The following ARRB2 variants were observed in gnomAD, a reference collection of about 807,000 sequenced individuals.
ARRB2 encodes the protein beta-arrestin-2.
ARRB2 carries 21 observed loss-of-function variants against 53.4 expected under a neutral mutation model. The ratio of observed to expected loss-of-function variants is 0.39; its 90% confidence interval spans 0.28 to 0.57. ARRB2 has a LOEUF of 0.57. Among genes scored for constraint, ARRB2 ranks in the 20% least tolerant of loss-of-function variants. The probability of loss-of-function intolerance (pLI) is 0.55; values close to 1 mark genes in which losing one functional copy is unlikely to be tolerated. For missense variants in ARRB2, 369 were observed against 527.5 expected, an observed-to-expected ratio of 0.70 and a Z score of 2.94; for synonymous variants, 180 against 212.9, an observed-to-expected ratio of 0.85 and a Z score of 1.34.
rs1295690798 is a variant in ARRB2 at position 4,717,297 on chromosome 17, A to G, written c.417+21A>G. The stretch of plus-strand genomic sequence containing the variant: ...GAAAGGTACGGGAGGAACAGCTCTG[A>G]GGGCTCCTAGGGCAGGACATGGGCC... On this transcript the variant is annotated intron_variant, in intron 6 of 14. Coordinates refer to ENST00000269260, the MANE Select transcript of ARRB2 (RefSeq NM_004313.4). The surrounding 1 kb of genome is among the most constrained non-coding windows in gnomAD (Gnocchi z 6.0). The G allele has an allele frequency of 6.2e-7, 1 of 1,613,386 alleles. No individual in the cohort carries two copies.
rs541225133 is a variant in ARRB2 at position 4,720,600 on chromosome 17, G to C, written c.1096G>C (p.Asp366His). The C allele has an allele frequency of 6.3e-7, 1 of 1,584,750 alleles. No homozygotes were observed. Among genetic ancestry groups the C allele is most frequent in the African/African-American group, 1.4e-5 (1 of 72,012 alleles). Residue 366 changes from aspartate (D) to histidine (H), a missense_variant, in exon 14 of 15, where the codon GAT becomes CAT. Transcript: ENST00000269260. Reference protein sequence around the residue: ...PRPQSAAPETDVPVDTNLIEF... With the variant: ...PRPQSAAPETHVPVDTNLIEF... ...CGTCCCCCCAGCCGCTCCGGAGACA[G>C]ATGTCCCTGTGGACACCAACCTCAT...
chr17:4,720,343 C>G, intron 12 of ARRB2, 44 bp downstream of exon 12: 1 of 1,613,804 alleles, frequency 6.2e-7, no homozygotes, highest in Non-Finnish European at 8.5e-7. Context: ...CACTGGCTCT[C>G]TCTAGTCCCA....
intron 4 of ARRB2, 49 bp downstream of exon 4, chr17:4,716,240 G>A (rs1915017972): frequency 5.0e-6 from 8 of 1,612,822 alleles, no homozygotes; most frequent in Middle Eastern, 3.6e-4. Context: ...GGCTAGGGAA[G>A]TGAAATGGGC....
chr17:4,718,889 C>G (rs1306087810), intron 10 of ARRB2, among the ~76,000 whole-genome samples: 1 of 151,032 alleles, frequency 6.6e-6, no homozygotes, highest in Non-Finnish European at 1.5e-5. Context: ...TCAAGCGATT[C>G]TCCTGCCTCA....
intron 10 of ARRB2, among the ~76,000 whole-genome samples, chr17:4,718,963 G>A (rs771254492): frequency 2.6e-5 from 4 of 151,752 alleles, no homozygotes; most frequent in Non-Finnish European, 5.9e-5. Context: ...TAATAGAGAC[G>A]AGGTTTCACC....
At position 4,721,002 on chromosome 17, in the gene ARRB2, G is replaced by T. The variant is rs772436860; in HGVS notation, c.1193G>T (p.Gly398Val). Reference protein sequence around the residue: ...FEDFARLRLKGMKDDDYDDQL... With the variant: ...FEDFARLRLKVMKDDDYDDQL... ...GACTTTGCCCGGCTTCGGCTGAAGGGGATGAAGGATGACGACTATGATGAT... is the reference window on the plus strand; with the variant it reads ...GACTTTGCCCGGCTTCGGCTGAAGGTGATGAAGGATGACGACTATGATGAT... The change falls in exon 15 of 15, where the codon GGG becomes GTG. Residue 398 changes from glycine to valine, a missense_variant. Gly to Val is a moderately radical substitution (Grantham distance 109). Transcript: ENST00000269260. This position sits in a 1 kb window ranked among gnomAD's most constrained non-coding sequence, Gnocchi z 4.2. 2 of 1,613,978 alleles carry T rather than the reference G, an allele frequency of 1.2e-6. No individual in the cohort carries two copies. The highest frequency in any genetic ancestry group is 1.7e-6 in the Non-Finnish European group (2 of 1,180,018).
chr17:4,718,468 G>A, intron 9 of ARRB2, 123 bp downstream of exon 9: 1 of 1,302,312 alleles, frequency 7.7e-7, no homozygotes, highest in Admixed American at 1.8e-5. Flanking sequence ...AAAGAATTTA[G>A]GTTGTTCCAT....
chr17:4,716,290 G>A, intron 4 of ARRB2, 99 bp downstream of exon 4: 3 of 1,607,562 alleles, frequency 1.9e-6, no homozygotes, highest in East Asian at 2.2e-5. Context: ...GAGGCTGGAG[G>A]TGGAAGCCAG....
chr17:4,713,986 A>T (rs1421035470), intron 1 of ARRB2, among the ~76,000 whole-genome samples: 2 of 152,198 alleles, frequency 1.3e-5, no homozygotes, highest in Non-Finnish European at 2.9e-5. Flanking sequence ...ATTACAAGAG[A>T]TGACACATTT....
intron 2 of ARRB2, chr17:4,715,484 CAG>C (rs762574698): frequency 5.3e-4 from 68 of 128,908 alleles, no homozygotes; most frequent in East Asian, 2.4e-3. Context: ...CACACACACA[CAG>C]ACACACACAC....
intron 8 of ARRB2, 60 bp downstream of exon 8, chr17:4,718,083 G>A (rs1209897828): frequency 1.1e-5 from 18 of 1,604,202 alleles, no homozygotes; most frequent in African/African-American, 4.0e-5. Flanking sequence ...GGGGAGGGGC[G>A]AAGCCACACA....
At chr17:4,720,791 C>A in intron 14 of ARRB2, 151 bp downstream of exon 14, 1 of 1,065,414 alleles carries the variant, frequency 9.4e-7, no homozygotes, top group Non-Finnish European at 1.4e-6. Context: ...CTGCCTCTTG[C>A]TGCCTTTTCT....
chr17:4,720,498 C>G, intron 13 of ARRB2, 26 bp downstream of exon 13: 1 of 1,601,928 alleles, frequency 6.2e-7, no homozygotes, highest in Non-Finnish European at 8.5e-7. Context: ...ACCCCAAGCC[C>G]TCAGAGGGAG....
intron 4 of ARRB2, 49 bp downstream of exon 4, chr17:4,716,240 G>T: frequency 6.2e-7 from 1 of 1,612,940 alleles, no homozygotes; most frequent in Non-Finnish European, 8.5e-7. Context: ...GGCTAGGGAA[G>T]TGAAATGGGC....
chr17:4,713,602 G>T (rs1914649281), intron 1 of ARRB2, among the ~76,000 whole-genome samples: 1 of 151,844 alleles, frequency 6.6e-6, no homozygotes, highest in Admixed American at 6.6e-5. Context: ...CTGCACTCCA[G>T]CCTGGGCGAC....
chr17:4,715,201 C>T (rs1234260824), intron 2 of ARRB2, 158 bp downstream of exon 2: 1 of 874,518 alleles, frequency 1.1e-6, no homozygotes, highest in Non-Finnish European at 1.7e-6. Flanking sequence ...CTCCTGAAGC[C>T]CCTTGCCGCA....
chr17:4,716,087 G>C (rs912445374), intron 3 of ARRB2, 54 bp downstream of exon 3: 2 of 1,614,040 alleles, frequency 1.2e-6, no homozygotes, highest in East Asian at 2.2e-5. Context: ...AGAAGTTCCC[G>C]GGCCCAGGAA....
At position 4,717,077 on chromosome 17, in the gene ARRB2, G is replaced by A. The variant is rs1457125406; in HGVS notation, c.358-140G>A. 4.1e-5 allele frequency: 40 copies of A among 976,546 alleles called. No homozygotes were observed. Among genetic ancestry groups the A allele is most frequent in the Admixed American group, 5.5e-5 (3 of 54,786 alleles). The allele number at this position is 976,546 out of a possible 1,614,324, so 60.5% of individuals were successfully genotyped here. On this transcript the variant is annotated intron_variant, in intron 5 of 14. Coordinates refer to ENST00000269260, the MANE Select transcript of ARRB2 (RefSeq NM_004313.4). This position sits in a 1 kb window ranked among gnomAD's most constrained non-coding sequence, Gnocchi z 6.0. ...TGGAACCCCTGACCTCAGGTGATCC[G>A]CCCACCTTAGCCTTCCAAAGTGTTG...
rs35744442 is a variant in ARRB2 at position 4,721,045 on chromosome 17, G to A, written c.*6G>A. On this transcript the variant is annotated 3_prime_UTR_variant, in exon 15 of 15. Transcript: ENST00000269260. The surrounding 1 kb of genome is among the most constrained non-coding windows in gnomAD (Gnocchi z 4.2). ...ATGATGATCAACTCTGCTAGGAAGC[G>A]GGGTGGGAAGAAGGGAGGGGATGGG... is the stretch of plus-strand genomic sequence containing the variant. 2,248 of 1,613,508 alleles carry A rather than the reference G, an allele frequency of 1.4e-3. 30 individuals carry two copies. In the African/African-American group the frequency reaches 0.026, roughly 19 times the overall value.
Sources: gnomAD v4.1 joint callset for allele counts (sites outside exome capture counted in the v4.1 genomes callset) on GRCh38, gnomAD v4.1.1 for gene constraint, Gnocchi (gnomAD v3.1) non-coding constraint, MANE v1.5 for transcripts, NCBI Gene and HGNC (gene_info 2026-07-23, HGNC 2026-07-21) for gene names.